Variants in SLIT3 observed in about 807,000 individuals in gnomAD.
The protein encoded by SLIT3 is slit guidance ligand 3.
A neutral mutation model predicts 184.0 loss-of-function variants in SLIT3; 68 were observed. The observed-to-expected ratio is 0.37, with a 90% CI of 0.30 to 0.45. SLIT3 has a LOEUF of 0.45. Among genes scored for constraint, SLIT3 ranks in the 20% least tolerant of loss-of-function variants. SLIT3 has a pLI of 1.00. For missense variants in SLIT3, 1,707 were observed against 2,026.0 expected, an observed-to-expected ratio of 0.84 and a Z score of 3.02; for synonymous variants, 831 against 828.6, an observed-to-expected ratio of 1.00 and a Z score of -0.05.
intron 29 of SLIT3, among the ~76,000 whole-genome samples, chr5:168,688,222 G>C (rs1761805027): frequency 6.6e-6 from 1 of 152,162 alleles, no homozygotes; most frequent in South Asian, 2.1e-4. Flanking sequence ...ACCTTTCTGG[G>C]CCCAACAGCT....
chr5:168,677,196 G>A (rs1027438045), intron 32 of SLIT3, among the ~76,000 whole-genome samples: 10 of 152,190 alleles, frequency 6.6e-5, no homozygotes, highest in African/African-American at 1.7e-4. Context: ...GAGGGACCCT[G>A]GGCAAGTCAT....
chr5:168,823,167 A>G, intron 7 of SLIT3, 93 bp downstream of exon 7: 1 of 989,518 alleles, frequency 1.0e-6, no homozygotes. Flanking sequence ...CTGCCTAGTC[A>G]TAGCATGGTA....
At chr5:169,170,084 T>C (rs1317475099) in intron 4 of SLIT3, among the ~76,000 whole-genome samples, 1 of 152,200 alleles carries the variant, frequency 6.6e-6, no homozygotes, top group East Asian at 1.9e-4. Context: ...TGCACTCGGA[T>C]GAGGGATGTG....
intron 11 of SLIT3, among the ~76,000 whole-genome samples, chr5:168,788,401 C>A (rs1756238098): frequency 6.6e-6 from 1 of 152,194 alleles, no homozygotes; most frequent in Non-Finnish European, 1.5e-5. Flanking sequence ...GGAATATGTG[C>A]ATCTGGTTAC....
intron 32 of SLIT3, 58 bp from the exon 33 acceptor site, chr5:168,673,389 G>C: frequency 6.5e-7 from 1 of 1,539,118 alleles, no homozygotes; most frequent in South Asian, 1.2e-5. Context: ...TCCATGGCTG[G>C]GCCCTGTGCT....
intron 6 of SLIT3, among the ~76,000 whole-genome samples, chr5:168,843,485 G>A (rs930330015): frequency 6.6e-6 from 1 of 152,156 alleles, no homozygotes; most frequent in African/African-American, 2.4e-5. Context: ...GGCTAGAATC[G>A]TACCATGGGA....
chr5:168,688,541 A>C (rs1189522511), intron 29 of SLIT3, among the ~76,000 whole-genome samples: 1 of 152,212 alleles, frequency 6.6e-6, no homozygotes, highest in East Asian at 1.9e-4. Flanking sequence ...ATAGCTAGGT[A>C]AGACACGGAG....
At chr5:169,125,765 G>A (rs1761055791) in intron 4 of SLIT3, among the ~76,000 whole-genome samples, 1 of 152,182 alleles carries the variant, frequency 6.6e-6, no homozygotes. Flanking sequence ...ATTTGTGCCT[G>A]GGCATTATCT....
intron 4 of SLIT3, among the ~76,000 whole-genome samples, chr5:169,010,110 G>A (rs923602589): frequency 6.6e-6 from 1 of 152,210 alleles, no homozygotes; most frequent in African/African-American, 2.4e-5. Flanking sequence ...TGGGTGCTTT[G>A]CAAAGGGGAC....
chr5:168,991,615 G>C (rs945104634), intron 4 of SLIT3, among the ~76,000 whole-genome samples: 3 of 152,216 alleles, frequency 2.0e-5, no homozygotes, highest in Non-Finnish European at 2.9e-5. Flanking sequence ...GCAGTGCCCT[G>C]GGGATCTATC....
rs770650322 is a variant in SLIT3 at position 168,804,310 on chromosome 5, C to CAAAAAAA, written c.935+2129_935+2135dup. ...GGGTGAGAAGAGTGAAACTCTTTCTCAAAAAAAAAAAAAAAAAAAAAAAAA... is the reference window on the plus strand; with the variant it reads ...GGGTGAGAAGAGTGAAACTCTTTCTCAAAAAAAAAAAAAAAAAAAAAAAAAAAAAAAA... On this transcript the variant is annotated intron_variant, in intron 9 of 35. Coordinates refer to ENST00000519560, the MANE Select transcript of SLIT3 (RefSeq NM_003062.4). Among the ~76,000 whole-genome samples the CAAAAAAA allele has an allele frequency of 4.1e-3, 213 of 52,360 alleles. 7 individuals carry two copies. Among genetic ancestry groups the CAAAAAAA allele is most frequent in the South Asian group, 5.8e-3 (5 of 866 alleles). The allele number at this position is 52,360 out of a possible 152,430, so 34.4% of individuals were successfully genotyped here. A position where few individuals can be genotyped will look rare whatever the true frequency, so the allele number is the denominator to read the frequency against.
chr5:169,093,804 A>G (rs896580203), intron 4 of SLIT3, among the ~76,000 whole-genome samples: 6 of 152,216 alleles, frequency 3.9e-5, no homozygotes, highest in Non-Finnish European at 5.9e-5. Context: ...GTTGATCACA[A>G]TTGCAATACA....
At chr5:169,152,473 G>T (rs561547206) in intron 4 of SLIT3, among the ~76,000 whole-genome samples, 1 of 152,284 alleles carries the variant, frequency 6.6e-6, no homozygotes, top group African/African-American at 2.4e-5. Context: ...TCCACTGAAG[G>T]AACTAATCTC....
At chr5:169,095,742 C>A (rs755772075) in intron 4 of SLIT3, among the ~76,000 whole-genome samples, 4 of 152,216 alleles carry the variant, frequency 2.6e-5, no homozygotes, top group African/African-American at 4.8e-5. Flanking sequence ...TGTCAAGCGG[C>A]CTCACTGCCT....
intron 32 of SLIT3, among the ~76,000 whole-genome samples, chr5:168,674,694 G>A (rs1391496975): frequency 6.6e-6 from 1 of 151,902 alleles, no homozygotes; most frequent in Non-Finnish European, 1.5e-5. Context: ...TTTTCACCAT[G>A]TTGGCCAGGC....
chr5:168,723,426 A>G (rs1763009149), intron 21 of SLIT3, among the ~76,000 whole-genome samples: 1 of 152,260 alleles, frequency 6.6e-6, no homozygotes, highest in African/African-American at 2.4e-5. Context: ...CACTTATTCA[A>G]TCATTCAAGC....
intron 4 of SLIT3, among the ~76,000 whole-genome samples, chr5:169,040,696 C>T (rs937568956): frequency 1.6e-4 from 24 of 152,340 alleles, no homozygotes; most frequent in African/African-American, 5.8e-4. Flanking sequence ...ATGTAGTAAG[C>T]TTTGCGTGAT....
chr5:169,089,909 T>C (rs915145809), intron 4 of SLIT3, among the ~76,000 whole-genome samples: 5 of 152,226 alleles, frequency 3.3e-5, no homozygotes, highest in African/African-American at 9.6e-5. Context: ...CTTCCTACCC[T>C]AGGCTACATC....
At chr5:168,715,238 A>G (rs1004751860) in intron 23 of SLIT3, among the ~76,000 whole-genome samples, 2 of 152,196 alleles carry the variant, frequency 1.3e-5, no homozygotes, top group African/African-American at 4.8e-5. Flanking sequence ...TTGGTTTCTC[A>G]GATATTTTCA....
Sources: gnomAD v4.1 joint callset for allele counts (sites outside exome capture counted in the v4.1 genomes callset) on GRCh38, gnomAD v4.1.1 for gene constraint, MANE v1.5 for transcripts, NCBI Gene and HGNC (gene_info 2026-07-23, HGNC 2026-07-21) for gene names.